Variants in NME5 observed in about 807,000 individuals in gnomAD.
The protein encoded by NME5 is nucleoside diphosphate kinase 5.
In NME5, 18 loss-of-function variants were observed where a neutral mutation model predicts 21.6. That is an observed-to-expected ratio of 0.83 (90% CI 0.58 to 1.24). The LOEUF (loss-of-function observed/expected upper bound fraction) is 1.24. Among genes scored for constraint, NME5 ranks in the 50% most tolerant of loss-of-function variants. NME5 has a pLI of 0.00. For missense variants in NME5, 223 were observed against 255.4 expected (o/e 0.87, Z 0.86); for synonymous variants, 70 against 80.6 (o/e 0.87, Z 0.71).
intron 4 of NME5, 116 bp from the exon 5 acceptor site, chr5:138,119,052 T>A (rs1751226639): frequency 3.2e-6 from 2 of 619,650 alleles, no homozygotes; most frequent in Admixed American, 3.0e-5. Flanking sequence ...TTTTTTGAGA[T>A]GGAGTCTTAC....
At chr5:138,121,265 A>C (rs1751280131) in intron 4 of NME5, among the ~76,000 whole-genome samples, 1 of 151,944 alleles carries the variant, frequency 6.6e-6, no homozygotes, top group Admixed American at 6.6e-5. Flanking sequence ...TTTCTACAAC[A>C]AAAAAATTCA....
rs997756239 is a variant in NME5, at chr5:138,132,948, T to G, written c.130-3480A>C. ...TGATTATGCGTATTAGCGTTTTTTTTTTTTGTTTTTTCTTGCTGAGTTTAA... is the reference window on the plus strand; with the variant it reads ...TGATTATGCGTATTAGCGTTTTTTTGTTTTGTTTTTTCTTGCTGAGTTTAA... On this transcript the variant is annotated intron_variant, in intron 2 of 5. Coordinates refer to ENST00000265191, the MANE Select transcript of NME5 (RefSeq NM_003551.3). Among the ~76,000 whole-genome samples, 3 of 152,240 alleles carry G rather than the reference T, an allele frequency of 2.0e-5. No individual in the cohort carries two copies. The East Asian group carries it at 5.8e-4, about 29-fold the overall frequency.
rs1182449787 is a variant in NME5, at chr5:138,115,651, T to C, written c.*30A>G. The C allele has an allele frequency of 7.2e-7, 1 of 1,392,966 alleles. No individual in the cohort carries two copies. The highest frequency in any genetic ancestry group is 2.2e-5 in the Admixed American group (1 of 44,542). The allele number at this position is 1,392,966 out of a possible 1,614,324, so 86.3% of individuals were successfully genotyped here. On this transcript the variant is annotated 3_prime_UTR_variant, in exon 6 of 6. Coordinates refer to ENST00000265191, the MANE Select transcript of NME5 (RefSeq NM_003551.3). Reference sequence around the variant, plus strand: ...GTACAGCCTTTTATAATAAGATAGTTCATGATTTGTTCTTTCGAGGATTTT... The same window carrying C: ...GTACAGCCTTTTATAATAAGATAGTCCATGATTTGTTCTTTCGAGGATTTT...
rs1751781747 is a variant in NME5 at position 138,138,697 on chromosome 5, C to T, written c.84G>A (p.Glu28=). 2 of 1,612,704 alleles carry T rather than the reference C, an allele frequency of 1.2e-6. No homozygotes were observed. The highest frequency in any genetic ancestry group is 1.7e-5 in the Admixed American group (1 of 59,780). The change falls in exon 2 of 6, where the codon GAG becomes GAA. Residue 28 remains glutamate, a synonymous_variant. Coordinates refer to ENST00000265191, the MANE Select transcript of NME5 (RefSeq NM_003551.3). ...ATCTAAGAATAATATCTTGTATCTC[C>T]TCCTCTTTGTCAACAATATCTGGTT... ...IIKPDIVDKE[E]EIQDIILRSG...
chr5:138,117,098 A>G (rs1751173987), intron 5 of NME5, among the ~76,000 whole-genome samples: 1 of 151,538 alleles, frequency 6.6e-6, no homozygotes, highest in African/African-American at 2.4e-5. Context: ...GGTCCCAGCT[A>G]CTTGGCAGCC....
chr5:138,131,639 C>T (rs1751570388), intron 2 of NME5, among the ~76,000 whole-genome samples: 1 of 151,776 alleles, frequency 6.6e-6, no homozygotes, highest in Non-Finnish European at 1.5e-5. Context: ...ATTTCCTTCA[C>T]AAATGAGACT....
chr5:138,123,489 T>C (rs1751331956), intron 4 of NME5, among the ~76,000 whole-genome samples: 1 of 152,190 alleles, frequency 6.6e-6, no homozygotes, highest in Admixed American at 6.5e-5. Flanking sequence ...GCCTGGCTTA[T>C]TTCACTTAAT....
chr5:138,128,527 T>C lies in NME5; in HGVS notation c.388A>G (p.Asn130Asp). The C allele has an allele frequency of 1.2e-6, 2 of 1,613,218 alleles. No individual in the cohort carries two copies. Among genetic ancestry groups the C allele is most frequent in the Non-Finnish European group, 1.7e-6 (2 of 1,179,764 alleles). The change falls in exon 4 of 6, where the codon AAT becomes GAT. Residue 130 changes from asparagine (N) to aspartate (D), a missense_variant. Transcript: ENST00000265191. ...TCTCTTTCCGCAGCAGCAAAGTCATTACTCCCATGAAGTGCATTCCTTAGG... is the reference window on the plus strand; with the variant it reads ...TCTCTTTCCGCAGCAGCAAAGTCATCACTCCCATGAAGTGCATTCCTTAGG... ...DDLRNALHGS[N>D]DFAAAEREIR... is the part of the protein sequence containing the mutation.
At chr5:138,122,680 ATTT>A (rs70979582) in intron 4 of NME5, among the ~76,000 whole-genome samples, 1 of 131,452 alleles carries the variant, frequency 7.6e-6, no homozygotes, top group Non-Finnish European at 1.6e-5. Flanking sequence ...AATTTTTTTA[ATTT>A]TTTTTTTTTT....
At chr5:138,130,375 G>C (rs1478223597) in intron 2 of NME5, among the ~76,000 whole-genome samples, 1 of 152,052 alleles carries the variant, frequency 6.6e-6, no homozygotes, top group African/African-American at 2.4e-5. Context: ...AGCAGACCCT[G>C]TATCAAACAA....
rs180779999 is a variant in NME5 at position 138,126,805 on chromosome 5, G to A, written c.436+1674C>T. Among the ~76,000 whole-genome samples the A allele has an allele frequency of 1.3e-3, 202 of 151,902 alleles. 1 individual carries two copies. Among genetic ancestry groups the A allele is most frequent in the African/African-American group, 4.5e-3 (185 of 41,450 alleles). ...TCTATAGAAAATATAAAAATTAGCC[G>A]GGCGTGGTGATATGCGCCTGTGGTT... On this transcript the variant is annotated intron_variant, in intron 4 of 5. Coordinates refer to ENST00000265191, the MANE Select transcript of NME5 (RefSeq NM_003551.3).
Position 138,128,543 on chromosome 5 carries a change from A to T in NME5, c.372T>A (p.Asn124Lys). 1 of 1,612,900 alleles carries T rather than the reference A, an allele frequency of 6.2e-7. No homozygotes were observed. Among genetic ancestry groups the T allele is most frequent in the African/African-American group, 1.3e-5 (1 of 75,010 alleles). ...RAIYGTDDLR[N>K]ALHGSNDFAA... ...CAAAGTCATTACTCCCATGAAGTGCATTCCTTAGGTCATCTGTGCCATAAA... is the reference window on the plus strand; with the variant it reads ...CAAAGTCATTACTCCCATGAAGTGCTTTCCTTAGGTCATCTGTGCCATAAA... Residue 124 changes from asparagine to lysine, a missense_variant, in exon 4 of 6, where the codon AAT becomes AAA. Transcript: ENST00000265191.
chr5:138,128,792 TAGG>T (rs780809150), intron 3 of NME5: 77 of 448,618 alleles, frequency 1.7e-4, no homozygotes, highest in Middle Eastern at 5.6e-4. Context: ...ACTGAGAAAA[TAGG>T]AGTTCTCTGG....
intron 2 of NME5, among the ~76,000 whole-genome samples, chr5:138,137,865 G>C: frequency 6.6e-6 from 1 of 151,698 alleles, no homozygotes; most frequent in East Asian, 2.0e-4. Flanking sequence ...TGGACATGGT[G>C]GTGCATGCCT....
At chr5:138,131,898 C>T (rs1372659083) in intron 2 of NME5, among the ~76,000 whole-genome samples, 1 of 152,078 alleles carries the variant, frequency 6.6e-6, no homozygotes, top group Non-Finnish European at 1.5e-5. Context: ...TGCCTGCCAC[C>T]ATGCCTGGCT....
intron 2 of NME5, among the ~76,000 whole-genome samples, chr5:138,135,985 A>C (rs892709768): frequency 1.3e-5 from 2 of 152,210 alleles, no homozygotes; most frequent in Non-Finnish European, 2.9e-5. Context: ...TTCCGTTAAC[A>C]GTACAGACAG....
At chr5:138,127,599 C>A in intron 4 of NME5, 2 of 984,564 alleles carry the variant, frequency 2.0e-6, no homozygotes, top group African/African-American at 3.5e-5. Context: ...TTCCTTATAA[C>A]AAAAATCACC....
At chr5:138,139,227 A>G (rs1751811316) in intron 1 of NME5, 144 bp downstream of exon 1, 1 of 354,680 alleles carries the variant, frequency 2.8e-6, no homozygotes, top group Non-Finnish European at 4.0e-6. Context: ...GGCCTCGGCC[A>G]GCTGCCTCTG....
intron 5 of NME5, 106 bp downstream of exon 5, chr5:138,118,712 T>G: frequency 1.6e-6 from 1 of 643,838 alleles, no homozygotes; most frequent in East Asian, 3.0e-5. Context: ...CTCAAACTCC[T>G]GACCTCGGAT....
Sources: allele counts gnomAD v4.1 joint callset (sites outside exome capture counted in the v4.1 genomes callset), GRCh38; gene constraint gnomAD v4.1.1; transcripts MANE v1.5; gene names NCBI Gene and HGNC (gene_info 2026-07-23, HGNC 2026-07-21).